DLAT: variants seen among roughly 807,000 people sequenced by gnomAD.
DLAT encodes dihydrolipoyllysine-residue acetyltransferase component of pyruvate dehydrogenase complex, mitochondrial.
Under a neutral mutation model 68.0 loss-of-function variants are expected in DLAT, and 43 were observed. The observed-to-expected ratio is 0.63, with a 90% CI of 0.50 to 0.81. The LOEUF is 0.81. DLAT is among the 40% of genes least tolerant of loss of function. DLAT has a pLI of 0.00. For missense variants in DLAT, 745 were observed against 815.4 expected (o/e 0.91, Z 1.05); for synonymous variants, 265 against 288.6 (o/e 0.92, Z 0.83).
At chr11:112,060,198 G>C (rs1445879181) in intron 12 of DLAT, 133 bp downstream of exon 12, 1 of 745,846 alleles carries the variant, frequency 1.3e-6, no homozygotes, top group African/African-American at 2.3e-5. Context: ...GAGTCTCTCT[G>C]TCACCCAGGC....
At chr11:112,041,493 C>T (rs1863048066) in intron 7 of DLAT, among the ~76,000 whole-genome samples, 2 of 152,102 alleles carry the variant, frequency 1.3e-5, no homozygotes, top group Admixed American at 1.3e-4. Context: ...TTGAGCCAAC[C>T]ATGTGAAGAA....
At chr11:112,056,196 C>T (rs1864060038) in intron 11 of DLAT, among the ~76,000 whole-genome samples, 1 of 152,010 alleles carries the variant, frequency 6.6e-6, no homozygotes, top group South Asian at 2.1e-4. Flanking sequence ...TTTAATTTGC[C>T]ATTTTACGTA....
Position 112,037,377 on chromosome 11 carries a change from G to GTGAATTAAAA in DLAT, c.892_893insTGAATTAAAA (p.Ala298ValfsTer3). On this transcript the variant is annotated stop_gained and frameshift_variant, in exon 6 of 14. Coordinates refer to ENST00000280346, the MANE Select transcript of DLAT (RefSeq NM_001931.5). LOFTEE classifies it high-confidence loss of function. ...ACTCTGTATCATTGTAGAAAAAGAGGCAGATATATCAGCATTTGCTGACTA... is the reference window on the plus strand; with the variant it reads ...ACTCTGTATCATTGTAGAAAAAGAGGTGAATTAAAACAGATATATCAGCATTTGCTGACTA... The GTGAATTAAAA allele has an allele frequency of 6.2e-7, 1 of 1,614,192 alleles. No homozygotes were observed. Among genetic ancestry groups the GTGAATTAAAA allele is most frequent in the Non-Finnish European group, 8.5e-7 (1 of 1,180,024 alleles).
chr11:112,033,592 C>G, intron 5 of DLAT, 62 bp downstream of exon 5: 2 of 1,585,860 alleles, frequency 1.3e-6, no homozygotes, highest in Non-Finnish European at 1.7e-6. Flanking sequence ...AAGAGGATTG[C>G]CATTCTTTCC....
rs1862226137 is a variant in DLAT, at chr11:112,028,714, T to G, written c.506+75T>G. 1.9e-6 allele frequency: 3 copies of G among 1,613,778 alleles called. No individual in the cohort carries two copies. In the African/African-American group the frequency reaches 4.0e-5, roughly 22 times the overall value. ...TTTACCCAGAATTGAGAATTAGGAG[T>G]TAAAGACTATTTTTTAAGACTACTT... On this transcript the variant is annotated intron_variant, in intron 3 of 13. Transcript: ENST00000280346.
chr11:112,062,037 G>C (rs1864664532), intron 13 of DLAT, among the ~76,000 whole-genome samples: 1 of 152,176 alleles, frequency 6.6e-6, no homozygotes, highest in Admixed American at 6.5e-5. Flanking sequence ...TTCTAGGTGA[G>C]GAGTCAGCAT....
chr11:112,064,025 C>T lies in DLAT; in HGVS notation c.*1490C>T, dbSNP rs1555183578. 1 of 704,036 alleles carries T rather than the reference C, an allele frequency of 1.4e-6. No homozygotes were observed. Among genetic ancestry groups the T allele is most frequent in the Non-Finnish European group, 2.2e-6 (1 of 444,896 alleles). 43.6% of individuals were successfully genotyped at this position (704,036 alleles called of 1,614,324 possible). On this transcript the variant is annotated 3_prime_UTR_variant, in exon 14 of 14. Coordinates refer to ENST00000280346, the MANE Select transcript of DLAT (RefSeq NM_001931.5). ...TGACACTCCATATATTCCACACAGA[C>T]TTTTACCTTGCTGTATTATTATGAA...
chr11:112,025,740 C>G lies in DLAT; in HGVS notation c.268C>G (p.Pro90Ala), dbSNP rs782393633. The G allele has an allele frequency of 1.9e-6, 3 of 1,613,302 alleles. No homozygotes were observed. The South Asian group carries it at 3.3e-5, about 18-fold the overall frequency. ...CGGCCGCCGCTATTACAGTCTTCCC[C>G]CGCATCAGAAGGTGAGCCCTAGACC... Reference protein sequence around the residue: ...SPGRRYYSLPPHQKVPLPSLS... With the variant: ...SPGRRYYSLPAHQKVPLPSLS... Residue 90 changes from proline (P) to alanine (A), a missense_variant, in exon 1 of 14, where the codon CCG (proline) becomes GCG (alanine). By Grantham distance (27) the Pro-to-Ala change is conservative. Transcript: ENST00000280346.
At chr11:112,049,583 T>G (rs1215201462) in intron 10 of DLAT, among the ~76,000 whole-genome samples, 1 of 152,150 alleles carries the variant, frequency 6.6e-6, no homozygotes, top group African/African-American at 2.4e-5. Flanking sequence ...TTTTTTTTTT[T>G]TTTTAAGACT....
chr11:112,046,682 G>A (rs1212663736), intron 10 of DLAT, among the ~76,000 whole-genome samples: 1 of 149,174 alleles, frequency 6.7e-6, no homozygotes, highest in Non-Finnish European at 1.5e-5. Flanking sequence ...TGTTCTCATT[G>A]TTCAACTCCC....
intron 11 of DLAT, among the ~76,000 whole-genome samples, chr11:112,058,628 G>A (rs1198504356): frequency 7.5e-6 from 1 of 132,460 alleles, no homozygotes; most frequent in African/African-American, 2.8e-5. Context: ...GGGGGGGTGG[G>A]GGGGGGGAAT....
In DLAT at chr11:112,037,932, A is replaced by G. The variant is rs1231951805; in HGVS notation, c.975+472A>G. On this transcript the variant is annotated intron_variant, in intron 6 of 13. Transcript: ENST00000280346. ...CTCTTGTTATTGACTTAGTAGGTCAAGCATATATTTGTGATACAGTGGAAC... is the reference window on the plus strand; with the variant it reads ...CTCTTGTTATTGACTTAGTAGGTCAGGCATATATTTGTGATACAGTGGAAC... 2.6e-5 allele frequency among the ~76,000 whole-genome samples: 4 copies of G among 152,156 alleles called. No homozygotes were observed. In the East Asian group the frequency reaches 7.7e-4, roughly 29 times the overall value.
intron 5 of DLAT, among the ~76,000 whole-genome samples, chr11:112,035,100 A>G (rs1862631428): frequency 6.6e-6 from 1 of 152,112 alleles, no homozygotes; most frequent in Non-Finnish European, 1.5e-5. Context: ...TCACCACCAA[A>G]GGGAAGCCTT....
In DLAT at chr11:112,033,601, C is replaced by T. The variant is rs979720534; in HGVS notation, c.787+71C>T. On this transcript the variant is annotated intron_variant, in intron 5 of 13. Coordinates refer to ENST00000280346, the MANE Select transcript of DLAT (RefSeq NM_001931.5). ...ATGAGGAAGAGGATTGCCATTCTTTCCTATAATGAGTGAGTGATAATATGA... is the reference window on the plus strand; with the variant it reads ...ATGAGGAAGAGGATTGCCATTCTTTTCTATAATGAGTGAGTGATAATATGA... The T allele has an allele frequency of 2.0e-5, 31 of 1,557,394 alleles. No homozygotes were observed. In the East Asian group the frequency reaches 6.8e-4, roughly 34 times the overall value.
intron 11 of DLAT, among the ~76,000 whole-genome samples, chr11:112,056,559 A>G (rs1864100132): frequency 6.6e-6 from 1 of 152,196 alleles, no homozygotes; most frequent in South Asian, 2.1e-4. Context: ...TAATCGTATC[A>G]ATATACCTCT....
At position 112,045,925 on chromosome 11, in the gene DLAT, T is replaced by C. The variant is rs1555181434; in HGVS notation, c.1353T>C (p.Asp451=). 2.5e-6 allele frequency: 4 copies of C among 1,611,260 alleles called. No homozygotes were observed. Among genetic ancestry groups the C allele is most frequent in the African/African-American group, 2.7e-5 (2 of 74,900 alleles). Reference sequence around the variant, plus strand: ...TACCTCATTATTACCTTTCTATCGATGTAAATATGGGAGAAGTTTTGTTGG... The same window carrying C: ...TACCTCATTATTACCTTTCTATCGACGTAAATATGGGAGAAGTTTTGTTGG... ...QTIPHYYLSI[D]VNMGEVLLVR... Residue 451 remains aspartate, a synonymous_variant, in exon 10 of 14, where the codon GAT becomes GAC. Transcript: ENST00000280346.
intron 5 of DLAT, among the ~76,000 whole-genome samples, chr11:112,034,898 C>T (rs1337502940): frequency 8.6e-5 from 13 of 151,728 alleles, no homozygotes; most frequent in African/African-American, 2.7e-4. Flanking sequence ...CTCAGCCTCC[C>T]GAGTAGCTGG....
At chr11:112,061,395 A>T (rs952707302) in intron 13 of DLAT, 12 of 531,710 alleles carry the variant, frequency 2.3e-5, no homozygotes, top group Non-Finnish European at 4.0e-5. Context: ...CCTAAACAGC[A>T]CTTCATTCAC....
At chr11:112,046,749 G>A (rs1022197384) in intron 10 of DLAT, among the ~76,000 whole-genome samples, 11 of 152,118 alleles carry the variant, frequency 7.2e-5, no homozygotes, top group African/African-American at 2.7e-4. Context: ...AGTTTGCTGA[G>A]AATGATGGTT....
Sources: allele counts gnomAD v4.1 joint callset (sites outside exome capture counted in the v4.1 genomes callset), GRCh38; gene constraint gnomAD v4.1.1; transcripts MANE v1.5; gene names NCBI Gene and HGNC (gene_info 2026-07-23, HGNC 2026-07-21).